MGST1: variants seen among roughly 807,000 people sequenced by gnomAD.
MGST1 encodes the protein microsomal glutathione S-transferase 1, also known as glutathione S-transferase 12.
A neutral mutation model predicts 8.9 loss-of-function variants in MGST1; 5 were observed. That is an observed-to-expected ratio of 0.56 (90% CI 0.29 to 1.19). The LOEUF (loss-of-function observed/expected upper bound fraction) is 1.19. Ranked by LOEUF, MGST1 falls within the 50% of genes most tolerant of loss-of-function variation. The pLI is 0.08. For synonymous variants in MGST1, 54 were observed against 67.8 expected (o/e 0.80, Z 1.00); for missense variants, 182 against 187.4 (o/e 0.97, Z 0.17).
chr12:16,363,971 G>GT lies in MGST1; in HGVS notation c.405dup (p.Val136CysfsTer17), dbSNP rs778971425. ...CTTCCCCAGCCAAATAGAGCTTTGAGTTTTTTTGTTGGATATGGAGTTACT... is the reference window on the plus strand; with the variant it reads ...CTTCCCCAGCCAAATAGAGCTTTGAGTTTTTTTTGTTGGATATGGAGTTACT... On this transcript the variant is annotated frameshift_variant, in exon 4 of 4. Coordinates refer to ENST00000396210, the MANE Select transcript of MGST1 (RefSeq NM_020300.5). LOFTEE classifies it high-confidence loss of function. The surrounding 1 kb of genome is among the most constrained non-coding windows in gnomAD (Gnocchi z 4.6). 5 of 1,613,758 alleles carry GT rather than the reference G, an allele frequency of 3.1e-6. No homozygotes were observed. The African/African-American group carries it at 4.0e-5, about 13-fold the overall frequency.
In MGST1 at chr12:16,579,489, C is replaced by G. The variant is rs563308870; in HGVS notation, n.483-10039C>G. On this transcript the variant is annotated intron_variant and non_coding_transcript_variant, in intron 4 of 4. Transcript: ENST00000538857. The stretch of plus-strand genomic sequence containing the variant: ...GGTATATCAGTAGCTTAAAAGCCAA[C>G]GCAGATGTATAAGTGAATAGTTCCC... Among the ~76,000 whole-genome samples the G allele has an allele frequency of 7.9e-5, 12 of 152,128 alleles. 1 individual carries two copies. Among genetic ancestry groups the G allele is most frequent in the African/African-American group, 2.9e-4 (12 of 41,404 alleles).
intron 4 of MGST1, chr12:16,514,141 A>G (rs1464197019): frequency 8.2e-6 from 3 of 365,298 alleles, no homozygotes; most frequent in African/African-American, 2.1e-5. Flanking sequence ...GCCAGTGGCA[A>G]TGGTAACAAG....
chr12:16,450,800 G>A (rs1941122181), intron 4 of MGST1, among the ~76,000 whole-genome samples: 1 of 151,684 alleles, frequency 6.6e-6, no homozygotes, highest in Non-Finnish European at 1.5e-5. Context: ...TCTTGTGAAT[G>A]TAGGAGGCGG....
At chr12:16,381,750 T>C (rs758570706), downstream of MGST1, among the ~76,000 whole-genome samples, 316 of 152,304 alleles carry the variant, frequency 2.1e-3, no homozygotes, top group Non-Finnish European at 3.2e-3. Context: ...TTGGTTCCAT[T>C]CTCCCCATCA....
At chr12:16,477,629 T>C (rs1941333115) in intron 4 of MGST1, among the ~76,000 whole-genome samples, 1 of 152,234 alleles carries the variant, frequency 6.6e-6, no homozygotes, top group African/African-American at 2.4e-5. Flanking sequence ...GATGGAAACT[T>C]CATTTTCATC....
intron 4 of MGST1, among the ~76,000 whole-genome samples, chr12:16,588,038 C>T (rs536757263): frequency 1.3e-5 from 2 of 151,988 alleles, no homozygotes; most frequent in Non-Finnish European, 2.9e-5. Context: ...TTGGTATTTT[C>T]CCCCTTTTAT....
chr12:16,448,417 C>A (rs1941099626), intron 4 of MGST1, among the ~76,000 whole-genome samples: 1 of 151,618 alleles, frequency 6.6e-6, no homozygotes, highest in African/African-American at 2.4e-5. Context: ...ATTCAGTCAT[C>A]AGCTAAGCAA....
intron 4 of MGST1, among the ~76,000 whole-genome samples, chr12:16,527,852 A>G (rs1314089891): frequency 1.3e-5 from 2 of 152,026 alleles, no homozygotes; most frequent in African/African-American, 4.8e-5. Flanking sequence ...GGCCCAGAGC[A>G]ATCAGCGCAT....
At chr12:16,375,353 AAATT>A (rs1332665458) in intron 3 of MGST1, among the ~76,000 whole-genome samples, 1 of 152,218 alleles carries the variant, frequency 6.6e-6, no homozygotes, top group Non-Finnish European at 1.5e-5. Flanking sequence ...CATAATGATT[AAATT>A]AATTAAACAC....
At chr12:16,356,449 A>G (rs2136948472) in intron 2 of MGST1, among the ~76,000 whole-genome samples, 1 of 152,294 alleles carries the variant, frequency 6.6e-6, no homozygotes, top group East Asian at 1.9e-4. Context: ...AAAGATGTTG[A>G]GGAAAACTGA....
chr12:16,513,863 C>T lies in MGST1; in HGVS notation n.483-75665C>T. On this transcript the variant is annotated intron_variant and non_coding_transcript_variant, in intron 4 of 4. Coordinates refer to the MGST1 transcript ENST00000538857. This position sits in a 1 kb window ranked among gnomAD's most constrained non-coding sequence, Gnocchi z 4.2. The stretch of plus-strand genomic sequence containing the variant: ...CAAGATGTCTTTCTGCCCAAACCAA[C>T]CTGGGGAAGTCGCACACCCATCTTC... 1 of 612,054 alleles carries T rather than the reference C, an allele frequency of 1.6e-6. No individual in the cohort carries two copies. Among genetic ancestry groups the T allele is most frequent in the Non-Finnish European group, 3.2e-6 (1 of 316,186 alleles). The allele number at this position is 612,054 out of a possible 1,614,324, so 37.9% of individuals were successfully genotyped here. A position where few individuals can be genotyped will look rare whatever the true frequency, so the allele number is the denominator to read the frequency against.
intron 1 of MGST1, among the ~76,000 whole-genome samples, chr12:16,423,641 A>G (rs957560834): frequency 1.3e-5 from 2 of 152,288 alleles, no homozygotes; most frequent in South Asian, 2.1e-4. Context: ...CTTTGTCTGT[A>G]TACTCATTAT....
chr12:16,519,589 A>C (rs11056976), intron 4 of MGST1, among the ~76,000 whole-genome samples: 80,452 of 151,722 alleles, frequency 0.53, 21,530 homozygotes, highest in Admixed American at 0.6. Flanking sequence ...CTTAGTCTCT[A>C]TATATATTGT....
intron 4 of MGST1, among the ~76,000 whole-genome samples, chr12:16,505,074 T>C (rs1255697756): frequency 6.6e-6 from 1 of 152,186 alleles, no homozygotes; most frequent in Non-Finnish European, 1.5e-5. Context: ...TTATTTTTCT[T>C]GTGACTTTTT....
chr12:16,440,266 CACACAT>C (rs1176582323), downstream of MGST1, among the ~76,000 whole-genome samples: 1 of 151,624 alleles, frequency 6.6e-6, no homozygotes, highest in Non-Finnish European at 1.5e-5. Context: ...CACACACACA[CACACAT>C]ACACAGTAAA....
chr12:16,528,096 G>A (rs979095311), intron 4 of MGST1, among the ~76,000 whole-genome samples: 2 of 152,028 alleles, frequency 1.3e-5, no homozygotes, highest in African/African-American at 4.8e-5. Flanking sequence ...TGAATGAGCA[G>A]GTGCTGTAGA....
Position 16,583,957 on chromosome 12 carries a change from C to T in MGST1, n.483-5571C>T, listed in dbSNP as rs368136288. Among the ~76,000 whole-genome samples, 5 of 152,276 alleles carry T rather than the reference C, an allele frequency of 3.3e-5. No individual in the cohort carries two copies. The East Asian group carries it at 5.8e-4, about 18-fold the overall frequency. Reference sequence around the variant, plus strand: ...AAGATCAGTGCTATTACAAGTGAAACAGGACTACAGTGTGGAGTTTAAGAT... The same window carrying T: ...AAGATCAGTGCTATTACAAGTGAAATAGGACTACAGTGTGGAGTTTAAGAT... On this transcript the variant is annotated intron_variant and non_coding_transcript_variant, in intron 4 of 4. Transcript: ENST00000538857.
At chr12:16,462,715 C>A (rs929454285) in intron 4 of MGST1, among the ~76,000 whole-genome samples, 1 of 152,064 alleles carries the variant, frequency 6.6e-6, no homozygotes, top group Non-Finnish European at 1.5e-5. Flanking sequence ...CATTTAGTGG[C>A]AGGGTAAGCA....
At chr12:16,588,321 G>A (rs1943385567) in intron 4 of MGST1, among the ~76,000 whole-genome samples, 1 of 151,818 alleles carries the variant, frequency 6.6e-6, no homozygotes, top group Non-Finnish European at 1.5e-5. Flanking sequence ...ATTGTTTAAA[G>A]AACACTGTGA....
Sources: allele counts gnomAD v4.1 joint callset (sites outside exome capture counted in the v4.1 genomes callset), GRCh38; gene constraint gnomAD v4.1.1; non-coding constraint Gnocchi (gnomAD v3.1); transcripts MANE v1.5; gene names NCBI Gene and HGNC (gene_info 2026-07-23, HGNC 2026-07-21).